Variants in MAP3K19 observed in about 807,000 individuals in gnomAD.
MAP3K19 encodes SPS1/STE20-related protein kinase YSK4.
MAP3K19 carries 91 observed loss-of-function variants against 114.4 expected under a neutral mutation model. That is an observed-to-expected ratio of 0.80 (90% confidence interval 0.67 to 0.95). MAP3K19 has a LOEUF of 0.95. Ranked by LOEUF, MAP3K19 falls within the 40% of genes least tolerant of loss-of-function variation. MAP3K19 has a pLI of 0.00. For missense variants in MAP3K19, 1,471 were observed against 1,573.2 expected (o/e 0.94, Z 1.10); for synonymous variants, 518 against 530.5 (o/e 0.98, Z 0.32).
chr2:134,968,575 G>T (rs1393810902), intron 12 of MAP3K19, among the ~76,000 whole-genome samples: 2 of 146,734 alleles, frequency 1.4e-5, no homozygotes, highest in African/African-American at 5.1e-5. Context: ...CGGGCGGAGG[G>T]GCTCCTCACT....
intron 3 of MAP3K19, among the ~76,000 whole-genome samples, chr2:135,025,377 CTTTTTTTTT>C (rs754598942): frequency 1.2e-4 from 8 of 69,534 alleles, no homozygotes; most frequent in African/African-American, 4.4e-4. Flanking sequence ...CTTTTCTTTT[CTTTTTTTTT>C]TTTTTTTTTT....
Position 134,988,042 on chromosome 2 carries a change from A to G in MAP3K19, c.830T>C (p.Leu277Pro). ...CCAAATGAAGCCATCAGAAGACCTG[A>G]GAGTCGGATCCATCAACGACTTAAC... Reference protein sequence around the residue: ...ALVKSLMDPTLRSSDGFIWSR... With the variant: ...ALVKSLMDPTPRSSDGFIWSR... Residue 277 changes from leucine (L) to proline (P), a missense_variant, in exon 10 of 13, where the codon CTC becomes CCC. Transcript: ENST00000392915. 6.2e-7 allele frequency: 1 copy of G among 1,613,906 alleles called. No individual in the cohort carries two copies. Among genetic ancestry groups the G allele is most frequent in the East Asian group, 2.2e-5 (1 of 44,874 alleles).
chr2:135,040,873 TA>T (rs1363553602), intron 1 of MAP3K19, among the ~76,000 whole-genome samples: 3 of 152,210 alleles, frequency 2.0e-5, no homozygotes, highest in Non-Finnish European at 4.4e-5. Flanking sequence ...AACCTGGATT[TA>T]AATTCCTTCT....
chr2:135,010,869 G>A (rs982439267), intron 5 of MAP3K19, among the ~76,000 whole-genome samples: 2 of 151,876 alleles, frequency 1.3e-5, no homozygotes, highest in African/African-American at 4.8e-5. Flanking sequence ...GGACTCAAGG[G>A]ATCTTCCCAC....
intron 12 of MAP3K19, 35 bp from the exon 13 acceptor site, chr2:134,964,951 C>T: frequency 6.7e-7 from 1 of 1,502,020 alleles, no homozygotes; most frequent in Non-Finnish European, 9.2e-7. Flanking sequence ...AGCAGCAGCA[C>T]TCAGTAATGA....
Position 134,981,168 on chromosome 2 carries a change from A to T in MAP3K19, c.3573T>A (p.Asn1191Lys), listed in dbSNP as rs1393682554. The T allele has an allele frequency of 4.3e-6, 7 of 1,614,026 alleles. No individual in the cohort carries two copies. The highest frequency in any genetic ancestry group is 1.1e-5 in the South Asian group (1 of 91,090). ...CVVHRDIKGN[N>K]VMLMPTGIIK... ...TTATTCCAGTTGGCATGAGCATAAC[A>T]TTATTTCCTTTGATATCGCGATGTA... Residue 1191 changes from asparagine (N) to lysine (K), a missense_variant, in exon 12 of 13, where the codon AAT (asparagine) becomes AAA (lysine). Asn to Lys is a moderately conservative substitution (Grantham distance 94, BLOSUM62 0). Transcript: ENST00000392915.
intron 8 of MAP3K19, among the ~76,000 whole-genome samples, chr2:134,995,405 C>T (rs934413675): frequency 2.0e-5 from 3 of 151,892 alleles, no homozygotes; most frequent in African/African-American, 7.3e-5. Flanking sequence ...AAGGGAATTC[C>T]CAGGATGACA....
rs781059325 is a variant in MAP3K19 at position 134,998,806 on chromosome 2, T to G, written c.506A>C (p.Asn169Thr). Residue 169 changes from asparagine (N) to threonine (T), a missense_variant, in exon 8 of 13, where the codon AAC becomes ACC. By Grantham distance (65) the Asn-to-Thr change is moderately conservative (BLOSUM62 0). Transcript: ENST00000392915. ...TTCTCTGGTTACAGACTTGGAAATGTTCAGTTCTAAACAAGATCTTGGTAG... is the reference window on the plus strand; with the variant it reads ...TTCTCTGGTTACAGACTTGGAAATGGTCAGTTCTAAACAAGATCTTGGTAG... ...FLLPRSCLEL[N>T]ISKSVTREDA... The G allele has an allele frequency of 8.7e-6, 14 of 1,613,952 alleles. No individual in the cohort carries two copies. The East Asian group carries it at 3.1e-4, about 36-fold the overall frequency.
At chr2:134,990,402 C>T (rs955384209) in intron 9 of MAP3K19, among the ~76,000 whole-genome samples, 29 of 151,970 alleles carry the variant, frequency 1.9e-4, no homozygotes, top group Admixed American at 1.0e-3. Context: ...TTATGGTGAT[C>T]CACTTCCACT....
chr2:135,046,087 G>A (rs963657701), intron 1 of MAP3K19, among the ~76,000 whole-genome samples: 9 of 151,958 alleles, frequency 5.9e-5, no homozygotes, highest in Non-Finnish European at 1.0e-4. Context: ...ACTATGCCCC[G>A]CTAGTTATTT....
intron 3 of MAP3K19, among the ~76,000 whole-genome samples, chr2:135,025,925 T>C (rs551030593): frequency 2.4e-4 from 37 of 152,330 alleles, no homozygotes; most frequent in African/African-American, 8.9e-4. Context: ...ATGATGAAAC[T>C]TGCTTTACTT....
Position 134,981,459 on chromosome 2 carries a change from A to G in MAP3K19, c.3282T>C (p.Asp1094=). 2 of 1,614,236 alleles carry G rather than the reference A, an allele frequency of 1.2e-6. No individual in the cohort carries two copies. Among genetic ancestry groups the G allele is most frequent in the Non-Finnish European group, 1.7e-6 (2 of 1,180,034 alleles). The part of the protein sequence containing the change: ...QLIAVKQVAL[D]TSNKLAAEKE... ...TTTCAGCAGCTAATTTATTAGAGGT[A>G]TCCAAAGCCACCTGTTTTACAGCTA... Residue 1094 remains aspartate (D), a synonymous_variant, in exon 12 of 13, where the codon GAT becomes GAC. Coordinates refer to ENST00000392915, the MANE Select transcript of MAP3K19 (RefSeq NM_025052.5).
At chr2:134,983,321 T>C (rs1415168132) in intron 11 of MAP3K19, 2 of 554,766 alleles carry the variant, frequency 3.6e-6, no homozygotes, top group Admixed American at 3.8e-5. Flanking sequence ...TCTTTCCCAT[T>C]GGACTTGAAC....
At position 134,985,480 on chromosome 2, in the gene MAP3K19, G is replaced by T. The variant is rs143265015; in HGVS notation, c.3072+320C>A. 3.0e-3 allele frequency among the ~76,000 whole-genome samples: 452 copies of T among 152,306 alleles called. 1 individual carries two copies. The highest frequency in any genetic ancestry group is 9.3e-3 in the African/African-American group (386 of 41,566). On this transcript the variant is annotated intron_variant, in intron 10 of 12. Transcript: ENST00000392915. ...TATGTATCTGCTGATAGTTGGAAAT[G>T]ATATGCTGTTGATTGAAAATGTCAT...
At chr2:135,043,297 TCA>T (rs980996572) in intron 1 of MAP3K19, among the ~76,000 whole-genome samples, 4 of 152,290 alleles carry the variant, frequency 2.6e-5, no homozygotes, top group African/African-American at 9.6e-5. Flanking sequence ...TTCTTGGCTT[TCA>T]AAGAAATGGT....
chr2:135,003,546 T>TTGTC (rs1686599826), intron 6 of MAP3K19, among the ~76,000 whole-genome samples: 1 of 134,340 alleles, frequency 7.4e-6, no homozygotes, highest in Admixed American at 7.4e-5. Context: ...AAAATAGTGT[T>TTGTC]TGTTTGTTTG....
intron 3 of MAP3K19, among the ~76,000 whole-genome samples, chr2:135,025,396 T>G (rs1353849818): frequency 7.1e-6 from 1 of 140,478 alleles, no homozygotes; most frequent in Non-Finnish European, 1.5e-5. Flanking sequence ...TTTTTTTTTT[T>G]TTTTTTTGAG....
At chr2:134,994,839 G>A (rs1685868232) in intron 8 of MAP3K19, among the ~76,000 whole-genome samples, 1 of 152,150 alleles carries the variant, frequency 6.6e-6, no homozygotes, top group South Asian at 2.1e-4. Flanking sequence ...GTGAGGATAT[G>A]TGATTCAACT....
At chr2:135,036,381 G>A (rs1688524816) in intron 2 of MAP3K19, among the ~76,000 whole-genome samples, 1 of 152,204 alleles carries the variant, frequency 6.6e-6, no homozygotes, top group South Asian at 2.1e-4. Flanking sequence ...CCAAGAGCAA[G>A]AGATCTTATC....
Sources: gnomAD v4.1 joint callset for allele counts (sites outside exome capture counted in the v4.1 genomes callset) on GRCh38, gnomAD v4.1.1 for gene constraint, MANE v1.5 for transcripts, NCBI Gene and HGNC (gene_info 2026-07-23, HGNC 2026-07-21) for gene names.